The following STON2 variants were observed in gnomAD, a reference collection of about 807,000 sequenced individuals.
STON2 encodes stonin 2.
In STON2, 29 loss-of-function variants were observed where a neutral mutation model predicts 65.7. The ratio of observed to expected loss-of-function variants is 0.44; its 90% CI spans 0.33 to 0.60. The LOEUF (loss-of-function observed/expected upper bound fraction) is 0.60. Among genes scored for constraint, STON2 ranks in the 20% least tolerant of loss-of-function variants. The probability of loss-of-function intolerance (pLI) is 0.03; values close to 1 mark genes in which losing one functional copy is unlikely to be tolerated. For synonymous variants in STON2, 404 were observed against 414.2 expected (o/e 0.98, Z 0.30); for missense variants, 1,054 against 1,118.1 (o/e 0.94, Z 0.82).
chr14:81,314,081 G>A (rs1352170278), intron 5 of STON2, among the ~76,000 whole-genome samples: 1 of 152,212 alleles, frequency 6.6e-6, no homozygotes, highest in Non-Finnish European at 1.5e-5. Context: ...CAAAGCCTGT[G>A]CTACTTTTAA....
chr14:81,423,216 C>T (rs1901800202), intron 2 of STON2, among the ~76,000 whole-genome samples: 1 of 152,110 alleles, frequency 6.6e-6, no homozygotes, highest in Non-Finnish European at 1.5e-5. Flanking sequence ...AGGGCCAAGA[C>T]CAAGATGTAC....
At chr14:81,288,184 C>T (rs1455235968) in intron 5 of STON2, among the ~76,000 whole-genome samples, 1 of 152,168 alleles carries the variant, frequency 6.6e-6, no homozygotes, top group Admixed American at 6.5e-5. Flanking sequence ...CAAAAAGCAC[C>T]TGTTTCCTTC....
At chr14:81,385,769 A>G (rs535390700) in intron 3 of STON2, among the ~76,000 whole-genome samples, 25 of 152,338 alleles carry the variant, frequency 1.6e-4, no homozygotes, top group Admixed American at 7.2e-4. Context: ...TCCTCAAACC[A>G]TATTCTGGAA....
At chr14:81,362,338 T>C (rs907533980) in intron 4 of STON2, among the ~76,000 whole-genome samples, 4 of 152,140 alleles carry the variant, frequency 2.6e-5, no homozygotes, top group African/African-American at 9.7e-5. Context: ...TGCAACAACA[T>C]GGATGGACTT....
intron 4 of STON2, among the ~76,000 whole-genome samples, chr14:81,326,221 C>G (rs1896999994): frequency 6.6e-6 from 1 of 152,192 alleles, no homozygotes; most frequent in Non-Finnish European, 1.5e-5. Flanking sequence ...ATCCTATTTT[C>G]CCTTAGGAAC....
At chr14:81,327,852 A>C (rs1016302061) in intron 4 of STON2, among the ~76,000 whole-genome samples, 1 of 152,198 alleles carries the variant, frequency 6.6e-6, no homozygotes, top group African/African-American at 2.4e-5. Context: ...CAAGTGGAAA[A>C]CACCATTCAG....
chr14:81,303,183 A>AGT (rs1160978695), intron 5 of STON2, among the ~76,000 whole-genome samples: 1 of 152,088 alleles, frequency 6.6e-6, no homozygotes, highest in African/African-American at 2.4e-5. Flanking sequence ...GACGGGGAAA[A>AGT]GTAGCTTTCA....
intron 5 of STON2, among the ~76,000 whole-genome samples, chr14:81,298,640 A>T (rs1333969276): frequency 6.6e-6 from 1 of 152,240 alleles, no homozygotes; most frequent in African/African-American, 2.4e-5. Flanking sequence ...CATGTTGAAC[A>T]GAACCATGCT....
At chr14:81,331,608 C>T (rs558399779) in intron 4 of STON2, among the ~76,000 whole-genome samples, 21 of 152,346 alleles carry the variant, frequency 1.4e-4, no homozygotes, top group African/African-American at 4.8e-4. Context: ...AATGAACTTT[C>T]ACTGCAGACC....
intron 5 of STON2, among the ~76,000 whole-genome samples, chr14:81,298,007 A>G (rs944297229): frequency 6.6e-6 from 1 of 152,238 alleles, no homozygotes; most frequent in Non-Finnish European, 1.5e-5. Flanking sequence ...ATTGCACTCC[A>G]GCCTGGGCAA....
At chr14:81,420,885 C>T (rs955107295) in intron 2 of STON2, among the ~76,000 whole-genome samples, 1 of 152,320 alleles carries the variant, frequency 6.6e-6, no homozygotes, top group Non-Finnish European at 1.5e-5. Flanking sequence ...CTGATTCCTA[C>T]GTCCACCCCC....
At chr14:81,375,424 A>C (rs1899206695) in intron 3 of STON2, among the ~76,000 whole-genome samples, 1 of 152,106 alleles carries the variant, frequency 6.6e-6, no homozygotes, top group South Asian at 2.1e-4. Context: ...AAGAAAGTTG[A>C]TATAGTTATA....
chr14:81,282,613 A>C (rs1895169125), intron 5 of STON2, among the ~76,000 whole-genome samples: 1 of 152,200 alleles, frequency 6.6e-6, no homozygotes, highest in African/African-American at 2.4e-5. Context: ...TTGATGTGAA[A>C]ACAAATCTCT....
chr14:81,284,893 C>T (rs1006960702), intron 5 of STON2, among the ~76,000 whole-genome samples: 20 of 152,204 alleles, frequency 1.3e-4, no homozygotes, highest in African/African-American at 4.3e-4. Flanking sequence ...TCTACCTTGC[C>T]TGTGCTCTGT....
chr14:81,390,816 A>T (rs1240389990), intron 3 of STON2, among the ~76,000 whole-genome samples: 1 of 152,230 alleles, frequency 6.6e-6, no homozygotes, highest in Non-Finnish European at 1.5e-5. Context: ...TGAGATGAGA[A>T]TCACTGTGCT....
At chr14:81,335,377 C>T (rs1897332620) in intron 4 of STON2, among the ~76,000 whole-genome samples, 1 of 152,134 alleles carries the variant, frequency 6.6e-6, no homozygotes, top group African/African-American at 2.4e-5. Flanking sequence ...TCAAAAGTGA[C>T]CAAGTATATC....
At chr14:81,313,008 C>CTCT (rs1896485168) in intron 5 of STON2, among the ~76,000 whole-genome samples, 1 of 152,242 alleles carries the variant, frequency 6.6e-6, no homozygotes, top group Non-Finnish European at 1.5e-5. Flanking sequence ...GTTTTCATTG[C>CTCT]TCTTCTTGTC....
intron 2 of STON2, among the ~76,000 whole-genome samples, chr14:81,420,439 AAT>A (rs1454084032): frequency 6.6e-6 from 1 of 152,208 alleles, no homozygotes; most frequent in African/African-American, 2.4e-5. Context: ...TCATTCATTC[AAT>A]AAGCATTCAG....
Position 81,264,744 on chromosome 14 carries a change from G to GA in STON2, c.*3669dup. On this transcript the variant is annotated 3_prime_UTR_variant, in exon 8 of 8. Coordinates refer to ENST00000614646, the MANE Select transcript of STON2 (RefSeq NM_001394390.1). Reference sequence around the variant, plus strand: ...GGCACAGTAAGGGAAGAGCCAAATAGAAAAAATGAAACTGTCCAGATAATA... The same window carrying GA: ...GGCACAGTAAGGGAAGAGCCAAATAGAAAAAAATGAAACTGTCCAGATAATA... 1.0e-6 allele frequency: 1 copy of GA among 985,318 alleles called. No homozygotes were observed. 61.0% of individuals were successfully genotyped at this position (985,318 alleles called of 1,614,324 possible).
Sources: allele counts gnomAD v4.1 joint callset (sites outside exome capture counted in the v4.1 genomes callset), GRCh38; gene constraint gnomAD v4.1.1; transcripts MANE v1.5; gene names NCBI Gene and HGNC (gene_info 2026-07-23, HGNC 2026-07-21).